Variants in PDE7B observed in about 807,000 individuals in gnomAD.
PDE7B encodes the protein phosphodiesterase 7B, also known as 3',5'-cyclic-AMP phosphodiesterase 7B.
In PDE7B, 29 loss-of-function variants were observed where a neutral mutation model predicts 56.2. The ratio of observed to expected loss-of-function variants is 0.52; its 90% confidence interval spans 0.38 to 0.70. The LOEUF (loss-of-function observed/expected upper bound fraction) is 0.70, where lower values mean the gene tolerates loss of function less well. Ranked by LOEUF, PDE7B falls within the 30% of genes least tolerant of loss-of-function variation. The probability of loss-of-function intolerance (pLI) is 0.00; values close to 1 mark genes in which losing one functional copy is unlikely to be tolerated. For synonymous variants in PDE7B, 197 were observed against 196.9 expected, an observed-to-expected ratio of 1.00 and a Z score of 0.00; for missense variants, 490 against 565.0, an observed-to-expected ratio of 0.87 and a Z score of 1.35.
chr6:135,942,144 G>A lies in PDE7B; in HGVS notation c.22-5320G>A, dbSNP rs149095580. Among the ~76,000 whole-genome samples the A allele has an allele frequency of 2.1e-4, 32 of 152,122 alleles. 1 individual carries two copies. The highest frequency in any genetic ancestry group is 1.5e-3 in the East Asian group (8 of 5,180). On this transcript the variant is annotated intron_variant, in intron 1 of 12. Transcript: ENST00000308191. ...TATAATTTTTCTTTAAGGAAAAGAGGTTCATTTAATACTTAAGGGTGATTT... is the reference window on the plus strand; with the variant it reads ...TATAATTTTTCTTTAAGGAAAAGAGATTCATTTAATACTTAAGGGTGATTT...
At chr6:136,029,089 C>A (rs138689282) in intron 2 of PDE7B, among the ~76,000 whole-genome samples, 1 of 152,294 alleles carries the variant, frequency 6.6e-6, no homozygotes, top group South Asian at 2.1e-4. Context: ...TAATAATTAT[C>A]TTTGCATCAA....
intron 8 of PDE7B, among the ~76,000 whole-genome samples, chr6:136,172,123 C>T (rs1437642181): frequency 6.6e-6 from 1 of 152,118 alleles, no homozygotes; most frequent in Non-Finnish European, 1.5e-5. Context: ...TTTATAGCAG[C>T]ATGATTTGTA....
At chr6:136,122,852 T>A (rs140567560) in intron 3 of PDE7B, among the ~76,000 whole-genome samples, 1 of 152,160 alleles carries the variant, frequency 6.6e-6, no homozygotes, top group African/African-American at 2.4e-5. Context: ...ACTCTAGAGA[T>A]CATCCTCTGT....
At chr6:135,857,576 A>G (rs1473793625) in intron 1 of PDE7B, among the ~76,000 whole-genome samples, 2 of 152,112 alleles carry the variant, frequency 1.3e-5, no homozygotes, top group Non-Finnish European at 2.9e-5. Flanking sequence ...TTGATACCTG[A>G]AGGTACCAAA....
intron 1 of PDE7B, among the ~76,000 whole-genome samples, chr6:135,906,812 T>G (rs202232918): frequency 7.8e-6 from 1 of 127,810 alleles, no homozygotes; most frequent in Non-Finnish European, 1.5e-5. Flanking sequence ...TGAGGTTTGT[T>G]TTTTTTTTTT....
chr6:135,909,131 G>C (rs927164943), intron 1 of PDE7B, among the ~76,000 whole-genome samples: 1 of 151,904 alleles, frequency 6.6e-6, no homozygotes, highest in Non-Finnish European at 1.5e-5. Context: ...AATTGTTGTG[G>C]GGCATGTAAA....
rs79918939 is a variant in PDE7B at position 135,931,408 on chromosome 6, T to C, written c.22-16056T>C. 1.7e-3 allele frequency among the ~76,000 whole-genome samples: 257 copies of C among 152,288 alleles called. 6 individuals carry two copies. In the East Asian group the frequency reaches 0.042, roughly 25 times the overall value. Reference sequence around the variant, plus strand: ...AATAACAAGATCATGTTTTTGAAAATAAAAATTACCCTTGGGATTTAGATG... The same window carrying C: ...AATAACAAGATCATGTTTTTGAAAACAAAAATTACCCTTGGGATTTAGATG... On this transcript the variant is annotated intron_variant, in intron 1 of 12. Coordinates refer to ENST00000308191, the MANE Select transcript of PDE7B (RefSeq NM_018945.4).
intron 12 of PDE7B, among the ~76,000 whole-genome samples, chr6:136,187,945 C>T (rs1410177173): frequency 1.3e-5 from 2 of 152,196 alleles, no homozygotes; most frequent in African/African-American, 4.8e-5. Context: ...CTGACCCTGA[C>T]ATGTACCAGT....
intron 2 of PDE7B, among the ~76,000 whole-genome samples, chr6:135,982,961 T>C (rs111412488): frequency 0.012 from 1,842 of 152,310 alleles, 44 homozygotes; most frequent in African/African-American, 0.041. Flanking sequence ...AGTCTCTGTT[T>C]TGTCCTCATC....
intron 3 of PDE7B, among the ~76,000 whole-genome samples, chr6:136,143,238 G>A (rs1206456496): frequency 6.6e-6 from 1 of 151,944 alleles, no homozygotes; most frequent in Non-Finnish European, 1.5e-5. Context: ...TTCAAAGACT[G>A]GCCCAATATG....
intron 11 of PDE7B, among the ~76,000 whole-genome samples, chr6:136,183,957 T>A (rs1205141494): frequency 2.0e-5 from 3 of 152,170 alleles, no homozygotes; most frequent in Non-Finnish European, 4.4e-5. Context: ...CCAAATACCA[T>A]ATATCTCCCT....
intron 1 of PDE7B, among the ~76,000 whole-genome samples, chr6:135,855,032 G>GA (rs1214580454): frequency 2.0e-5 from 3 of 152,188 alleles, no homozygotes; most frequent in African/African-American, 7.2e-5. Flanking sequence ...AAAGGGCGGT[G>GA]AACAGAGGTA....
intron 1 of PDE7B, among the ~76,000 whole-genome samples, chr6:135,866,068 T>C (rs983363253): frequency 7.9e-5 from 12 of 152,200 alleles, no homozygotes; most frequent in African/African-American, 2.7e-4. Flanking sequence ...ATTTAGCAGA[T>C]TTATTTTAAT....
intron 3 of PDE7B, among the ~76,000 whole-genome samples, chr6:136,140,606 G>A (rs1778305810): frequency 6.6e-6 from 1 of 152,192 alleles, no homozygotes; most frequent in African/African-American, 2.4e-5. Context: ...CCTTGAGCAT[G>A]GAATGTTCTT....
intron 2 of PDE7B, among the ~76,000 whole-genome samples, chr6:136,029,119 T>A (rs1776197549): frequency 1.3e-5 from 2 of 152,236 alleles, no homozygotes; most frequent in Non-Finnish European, 2.9e-5. Flanking sequence ...AATATTGCCA[T>A]TACTTTTCAT....
At chr6:136,041,339 A>C (rs976188275) in intron 2 of PDE7B, among the ~76,000 whole-genome samples, 1 of 151,974 alleles carries the variant, frequency 6.6e-6, no homozygotes, top group African/African-American at 2.4e-5. Flanking sequence ...GAATAAAAAA[A>C]ATATGGGAAC....
chr6:136,017,282 A>G (rs1775992164), intron 2 of PDE7B, among the ~76,000 whole-genome samples: 1 of 152,234 alleles, frequency 6.6e-6, no homozygotes, highest in South Asian at 2.1e-4. Flanking sequence ...CACCTCTTCT[A>G]TTGAAACTAC....
chr6:135,966,442 AT>A (rs1774999325), intron 2 of PDE7B, among the ~76,000 whole-genome samples: 1 of 152,192 alleles, frequency 6.6e-6, no homozygotes, highest in Non-Finnish European at 1.5e-5. Flanking sequence ...GTGTTTACAA[AT>A]GCTAGCAGAG....
intron 1 of PDE7B, among the ~76,000 whole-genome samples, chr6:135,926,232 A>G (rs12210659): frequency 0.4 from 60,028 of 151,136 alleles, 12,070 homozygotes; most frequent in Admixed American, 0.43. Context: ...GACTACAGGC[A>G]CCCGCCACCA....
Sources: gnomAD v4.1 joint callset for allele counts (sites outside exome capture counted in the v4.1 genomes callset) on GRCh38, gnomAD v4.1.1 for gene constraint, MANE v1.5 for transcripts, NCBI Gene and HGNC (gene_info 2026-07-23, HGNC 2026-07-21) for gene names.